SORCS2: variants seen among roughly 807,000 people sequenced by gnomAD.
The protein encoded by SORCS2 is sortilin related VPS10 domain containing receptor 2, also known as VPS10 domain-containing receptor SorCS2.
In SORCS2, 100 loss-of-function variants were observed where a neutral mutation model predicts 141.6. The ratio of observed to expected loss-of-function variants is 0.71; its 90% CI spans 0.60 to 0.83. The LOEUF (loss-of-function observed/expected upper bound fraction) is 0.83, where lower values mean the gene tolerates loss of function less well. SORCS2 is among the 40% of genes least tolerant of loss of function. The pLI is 0.00. For synonymous variants in SORCS2, 789 were observed against 676.9 expected, an observed-to-expected ratio of 1.17 and a Z score of -2.57; for missense variants, 1,646 against 1,560.2, an observed-to-expected ratio of 1.05 and a Z score of -0.93.
intron 1 of SORCS2, among the ~76,000 whole-genome samples, chr4:7,229,460 TG>T (rs767900945): frequency 6.6e-6 from 1 of 152,202 alleles, no homozygotes; most frequent in Non-Finnish European, 1.5e-5. Flanking sequence ...AGAGAGCCTC[TG>T]TCTTGTAAAG....
chr4:7,433,852 T>C, intron 2 of SORCS2: 3 of 1,613,882 alleles, frequency 1.9e-6, no homozygotes, highest in Non-Finnish European at 2.5e-6. Context: ...GGAGGGGCTG[T>C]AGGTGTCCAC....
intron 3 of SORCS2, among the ~76,000 whole-genome samples, chr4:7,543,706 AT>A (rs1712931782): frequency 1.2e-4 from 1 of 8,180 alleles, no homozygotes; most frequent in African/African-American, 2.3e-4. Flanking sequence ...CCATCCATCC[AT>A]CCACCCATCC....
intron 1 of SORCS2, among the ~76,000 whole-genome samples, chr4:7,368,028 G>C (rs2109036958): frequency 6.6e-6 from 1 of 152,302 alleles, no homozygotes; most frequent in Non-Finnish European, 1.5e-5. Context: ...TAGGGGATTG[G>C]AGCACTGTTT....
intron 1 of SORCS2, among the ~76,000 whole-genome samples, chr4:7,350,800 G>T (rs1233528449): frequency 2.0e-5 from 3 of 152,198 alleles, no homozygotes; most frequent in African/African-American, 7.2e-5. Flanking sequence ...GATTGCTGAT[G>T]CCAGCTCCAG....
chr4:7,625,183 T>C (rs1719439684), intron 3 of SORCS2, among the ~76,000 whole-genome samples: 2 of 152,166 alleles, frequency 1.3e-5, no homozygotes, highest in African/African-American at 4.8e-5. Flanking sequence ...ACCAGCTCTT[T>C]CCTGACAGTC....
At chr4:7,720,531 C>G (rs191860018) in intron 18 of SORCS2, among the ~76,000 whole-genome samples, 1 of 152,164 alleles carries the variant, frequency 6.6e-6, no homozygotes, top group African/African-American at 2.4e-5. Context: ...CAGCCACTTT[C>G]GCTCTGTGAA....
At chr4:7,315,726 C>T (rs1010182342) in intron 1 of SORCS2, among the ~76,000 whole-genome samples, 10 of 152,230 alleles carry the variant, frequency 6.6e-5, no homozygotes, top group African/African-American at 2.4e-4. Context: ...AGGACTCTCT[C>T]ACCTCTGAAG....
intron 3 of SORCS2, among the ~76,000 whole-genome samples, chr4:7,537,826 A>C (rs1249446361): frequency 1.3e-5 from 2 of 152,250 alleles, no homozygotes; most frequent in East Asian, 3.9e-4. Flanking sequence ...GGCCAACATA[A>C]AAACATAAAA....
intron 3 of SORCS2, among the ~76,000 whole-genome samples, chr4:7,622,804 C>T (rs1180714943): frequency 1.3e-5 from 2 of 152,194 alleles, no homozygotes; most frequent in African/African-American, 4.8e-5. Flanking sequence ...CTCCAGAGCT[C>T]TTTCCCCGAG....
At chr4:7,409,658 G>A (rs537101635) in intron 2 of SORCS2, among the ~76,000 whole-genome samples, 5 of 152,342 alleles carry the variant, frequency 3.3e-5, no homozygotes, top group African/African-American at 1.2e-4. Context: ...CAGTGAGTTG[G>A]TGGTAAGTTT....
intron 1 of SORCS2, among the ~76,000 whole-genome samples, chr4:7,375,968 G>A (rs1436877907): frequency 6.6e-6 from 1 of 152,224 alleles, no homozygotes; most frequent in Non-Finnish European, 1.5e-5. Flanking sequence ...GGTTGTTATG[G>A]AGATTAAATG....
chr4:7,243,620 G>A (rs1214850562), intron 1 of SORCS2, among the ~76,000 whole-genome samples: 1 of 152,224 alleles, frequency 6.6e-6, no homozygotes, highest in Non-Finnish European at 1.5e-5. Flanking sequence ...TGGCTGCACA[G>A]GCTCCCTCGC....
At chr4:7,453,870 T>A (rs1577589990) in intron 2 of SORCS2, among the ~76,000 whole-genome samples, 8 of 98,736 alleles carry the variant, frequency 8.1e-5, no homozygotes, top group South Asian at 4.0e-4. Context: ...TGGGGTCAGG[T>A]GCTGTGTGTT....
chr4:7,515,270 C>G (rs1732901856), intron 2 of SORCS2, among the ~76,000 whole-genome samples: 1 of 152,222 alleles, frequency 6.6e-6, no homozygotes, highest in African/African-American at 2.4e-5. Context: ...TCCACGGGAG[C>G]CTGACATGGG....
At chr4:7,388,674 A>T (rs1342403689) in intron 1 of SORCS2, among the ~76,000 whole-genome samples, 1 of 152,144 alleles carries the variant, frequency 6.6e-6, no homozygotes, top group Non-Finnish European at 1.5e-5. Context: ...AATTCATGTC[A>T]CACGAAACTC....
At chr4:7,333,885 C>A (rs1011992341) in intron 1 of SORCS2, among the ~76,000 whole-genome samples, 1 of 152,188 alleles carries the variant, frequency 6.6e-6, no homozygotes, top group Non-Finnish European at 1.5e-5. Flanking sequence ...ACAGTGGGAG[C>A]TGGCTGTTGA....
chr4:7,719,449 C>T (rs1726425160), intron 18 of SORCS2, among the ~76,000 whole-genome samples: 3 of 152,232 alleles, frequency 2.0e-5, no homozygotes, highest in African/African-American at 2.4e-5. Context: ...CAAGGCCACA[C>T]GGGAATGAGT....
At chr4:7,515,158 CTGAG>C (rs1352146013) in intron 2 of SORCS2, among the ~76,000 whole-genome samples, 20 of 152,246 alleles carry the variant, frequency 1.3e-4, no homozygotes, top group African/African-American at 4.8e-4. Context: ...GGAGATAACT[CTGAG>C]TGGGAGGCGT....
chr4:7,297,240 C>T (rs1191605300), intron 1 of SORCS2, among the ~76,000 whole-genome samples: 1 of 152,148 alleles, frequency 6.6e-6, no homozygotes, highest in Non-Finnish European at 1.5e-5. Context: ...ACTCCCAGCT[C>T]GGGGTTCCAC....
Sources: allele counts gnomAD v4.1 joint callset (sites outside exome capture counted in the v4.1 genomes callset), GRCh38; gene constraint gnomAD v4.1.1; transcripts MANE v1.5; gene names NCBI Gene and HGNC (gene_info 2026-07-23, HGNC 2026-07-21).